The following ADGRE5 variants were observed in gnomAD, a reference collection of about 807,000 sequenced individuals.
ADGRE5 encodes adhesion G protein-coupled receptor E5, also known as CD97 molecule.
Under a neutral mutation model 100.3 loss-of-function variants are expected in ADGRE5, and 72 were observed. That is an observed-to-expected ratio of 0.72 (90% CI 0.59 to 0.87). The LOEUF is 0.87. ADGRE5 is among the 40% of genes least tolerant of loss of function. ADGRE5 has a pLI of 0.00. For synonymous variants in ADGRE5, 439 were observed against 447.8 expected, an observed-to-expected ratio of 0.98 and a Z score of 0.25; for missense variants, 959 against 1,094.7, an observed-to-expected ratio of 0.88 and a Z score of 1.75.
chr19:14,386,121 G>A, intron 1 of ADGRE5, among the ~76,000 whole-genome samples: 1 of 151,822 alleles, frequency 6.6e-6, no homozygotes, highest in African/African-American at 2.4e-5. Flanking sequence ...GGGCCTGGCG[G>A]CTTGTGCCAG....
chr19:14,396,537 C>T (rs1328696013), intron 5 of ADGRE5, 64 bp downstream of exon 5: 1 of 1,601,138 alleles, frequency 6.2e-7, no homozygotes, highest in African/African-American at 1.3e-5. Flanking sequence ...GAGGCACGTC[C>T]TCCAAAGCAG....
chr19:14,382,155 C>T lies in ADGRE5; in HGVS notation c.22+610C>T, dbSNP rs539308872. Among the ~76,000 whole-genome samples the T allele has an allele frequency of 2.6e-5, 4 of 152,142 alleles. No homozygotes were observed. In the South Asian group the frequency reaches 8.3e-4, roughly 31 times the overall value. On this transcript the variant is annotated intron_variant, in intron 1 of 19. Coordinates refer to ENST00000242786, the MANE Select transcript of ADGRE5 (RefSeq NM_078481.4). ...CCCGCCCCACCCAAGGTGACTGTAACGGTTATCAGGGTAGCTCGTTGCCTA... is the reference window on the plus strand; with the variant it reads ...CCCGCCCCACCCAAGGTGACTGTAATGGTTATCAGGGTAGCTCGTTGCCTA...
chr19:14,383,184 C>G (rs970857144), intron 1 of ADGRE5, among the ~76,000 whole-genome samples: 1 of 151,948 alleles, frequency 6.6e-6, no homozygotes, highest in Admixed American at 6.6e-5. Context: ...GCCTGGGTGA[C>G]AGAGCAAGAT....
rs768739910 is a variant in ADGRE5 at position 14,406,302 on chromosome 19, C to A, written c.1822-29C>A. 39 of 1,508,984 alleles carry A rather than the reference C, an allele frequency of 2.6e-5. No individual in the cohort carries two copies. Among genetic ancestry groups the A allele is most frequent in the Admixed American group, 6.0e-5 (3 of 50,076 alleles). The allele number at this position is 1,508,984 out of a possible 1,614,324, so 93.5% of individuals were successfully genotyped here. On this transcript the variant is annotated intron_variant, in intron 14 of 19. Coordinates refer to ENST00000242786, the MANE Select transcript of ADGRE5 (RefSeq NM_078481.4). This position sits in a 1 kb window ranked among gnomAD's most constrained non-coding sequence, Gnocchi z 6.0. Reference sequence around the variant, plus strand: ...CGCATGCCCCTCCCCGCGCTGACGTCGCTCCGCCCCTCCGTCCCCGCCCCG... The same window carrying A: ...CGCATGCCCCTCCCCGCGCTGACGTAGCTCCGCCCCTCCGTCCCCGCCCCG...
chr19:14,404,866 G>A (rs1299637395), intron 13 of ADGRE5: 3 of 244,282 alleles, frequency 1.2e-5, no homozygotes, highest in Middle Eastern at 1.2e-3. Context: ...CCACTTGCCC[G>A]TTTTTTTTTT....
intron 1 of ADGRE5, among the ~76,000 whole-genome samples, chr19:14,382,179 T>G (rs1349408659): frequency 3.3e-5 from 5 of 152,164 alleles, no homozygotes; most frequent in African/African-American, 1.2e-4. Context: ...GCTCGTTGCC[T>G]AAGCAACGGG....
At chr19:14,397,481 C>T (rs1975825695) in intron 6 of ADGRE5, 177 bp from the exon 7 acceptor site, 1 of 616,456 alleles carries the variant, frequency 1.6e-6, no homozygotes, top group African/African-American at 1.9e-5. Flanking sequence ...TATTCATAAC[C>T]TGCTCATCTG....
intron 14 of ADGRE5, 32 bp downstream of exon 14, chr19:14,405,971 T>C (rs1363271547): frequency 6.3e-7 from 1 of 1,574,948 alleles, no homozygotes. Flanking sequence ...TCCTGAGCTC[T>C]GGGGTCAGGG....
At chr19:14,404,640 T>C (rs1976146427) in intron 13 of ADGRE5, 78 bp downstream of exon 13, 4 of 1,415,984 alleles carry the variant, frequency 2.8e-6, no homozygotes, top group Non-Finnish European at 3.9e-6. Flanking sequence ...TAGTTCTCCA[T>C]GGAGCCCTAC....
At chr19:14,398,297 TACAC>T (rs1406979721) in intron 9 of ADGRE5, 158 bp downstream of exon 9, 52 of 654,468 alleles carry the variant, frequency 7.9e-5, no homozygotes, top group Admixed American at 3.5e-4. Context: ...TGCACAAACA[TACAC>T]ACCCGGACAC....
rs1361493143 is a variant in ADGRE5 at position 14,405,936 on chromosome 19, C to G, written c.1818C>G (p.Gly606=). The G allele has an allele frequency of 6.2e-7, 1 of 1,605,738 alleles. No homozygotes were observed. The highest frequency in any genetic ancestry group is 8.5e-7 in the Non-Finnish European group (1 of 1,179,462). ...IFLAGIENEG[G]QVGLRCRLVA... is the part of the protein sequence containing the mutation. ...TGGCCGGCATCGAGAACGAAGGCGG[C>G]CAGGTGAGGTCCCGCCCCGCTCCCT... Residue 606 remains glycine, a synonymous_variant, in exon 14 of 20, where the codon GGC becomes GGG. Coordinates refer to ENST00000242786, the MANE Select transcript of ADGRE5 (RefSeq NM_078481.4).
chr19:14,405,953 C>T lies in ADGRE5; in HGVS notation c.1821+14C>T. On this transcript the variant is annotated intron_variant, in intron 14 of 19. Transcript: ENST00000242786. ...GAAGGCGGCCAGGTGAGGTCCCGCC[C>T]CGCTCCCTCCTGAGCTCTGGGGTCA... The T allele has an allele frequency of 6.3e-7, 1 of 1,599,318 alleles. No individual in the cohort carries two copies. The highest frequency in any genetic ancestry group is 8.5e-7 in the Non-Finnish European group (1 of 1,177,628).
chr19:14,406,818 C>A lies in ADGRE5; in HGVS notation c.2116-51C>A. 6.2e-7 allele frequency: 1 copy of A among 1,610,098 alleles called. No homozygotes were observed. Among genetic ancestry groups the A allele is most frequent in the East Asian group, 2.2e-5 (1 of 44,866 alleles). ...AGCCCGAGCGCCACAGGCCCAGGCC[C>A]GGCTGGACCATCGCTCTCGCCCTCT... is the stretch of plus-strand genomic sequence containing the variant. On this transcript the variant is annotated intron_variant, in intron 16 of 19. Coordinates refer to ENST00000242786, the MANE Select transcript of ADGRE5 (RefSeq NM_078481.4). The surrounding 1 kb of genome is among the most constrained non-coding windows in gnomAD (Gnocchi z 6.0).
intron 9 of ADGRE5, among the ~76,000 whole-genome samples, chr19:14,399,752 A>AG (rs1029767921): frequency 2.0e-5 from 3 of 151,964 alleles, no homozygotes; most frequent in African/African-American, 7.2e-5. Flanking sequence ...TAAAAAAAAA[A>AG]AAAACAGTTT....
Position 14,391,006 on chromosome 19 carries a change from C to CGT in ADGRE5, c.277_278dup (p.Ser94AlafsTer69), listed in dbSNP as rs1975581845. On this transcript the variant is annotated frameshift_variant, in exon 4 of 20. Coordinates refer to ENST00000242786, the MANE Select transcript of ADGRE5 (RefSeq NM_078481.4). LOFTEE classifies it high-confidence loss of function. Reference sequence around the variant, plus strand: ...GGAACACAGAGGGGAGCTACGACTGCGTGTGCAGCCCGGGATATGAGCCTG... The same window carrying CGT: ...GGAACACAGAGGGGAGCTACGACTGCGTGTGTGCAGCCCGGGATATGAGCCTG... 1 of 1,614,052 alleles carries CGT rather than the reference C, an allele frequency of 6.2e-7. No individual in the cohort carries two copies. The highest frequency in any genetic ancestry group is 1.3e-5 in the African/African-American group (1 of 74,920).
In ADGRE5 at chr19:14,394,812, G is replaced by A. The variant is rs186919191; in HGVS notation, c.347-1530G>A. Among the ~76,000 whole-genome samples, 627 of 152,248 alleles carry A rather than the reference G, an allele frequency of 4.1e-3. 6 individuals carry two copies. The highest frequency in any genetic ancestry group is 0.014 in the Middle Eastern group (4 of 294). On this transcript the variant is annotated intron_variant, in intron 4 of 19. Transcript: ENST00000242786. ...AGGGAATCTCAAGGACAGGACAACT[G>A]TCTCCAGCCAGCAGCCTTGCTTGGA...
Position 14,406,717 on chromosome 19 carries a change from A to G in ADGRE5, c.2066A>G (p.Glu689Gly), listed in dbSNP as rs753363375. ...CCTCCTAGCTGCTGGTTGGACTTTGAGCAGGGCTTCCTCTGGAGCTTCTTG... is the reference window on the plus strand; with the variant it reads ...CCTCCTAGCTGCTGGTTGGACTTTGGGCAGGGCTTCCTCTGGAGCTTCTTG... ...GRPRYCWLDF[E>G]QGFLWSFLGP... The change falls in exon 16 of 20, where the codon GAG becomes GGG. Residue 689 changes from glutamate (E) to glycine (G), a missense_variant. Glu to Gly is a moderately conservative substitution (Grantham distance 98). Coordinates refer to ENST00000242786, the MANE Select transcript of ADGRE5 (RefSeq NM_078481.4). This position sits in a 1 kb window ranked among gnomAD's most constrained non-coding sequence, Gnocchi z 6.0. 4.3e-6 allele frequency: 7 copies of G among 1,614,006 alleles called. No individual in the cohort carries two copies. The South Asian group carries it at 4.4e-5, about 10-fold the overall frequency.
chr19:14,401,536 T>C lies in ADGRE5; in HGVS notation c.1048T>C (p.Phe350Leu). Residue 350 changes from phenylalanine to leucine, a missense_variant, in exon 10 of 20, where the codon TTC becomes CTC. This residue lies in a region of ADGRE5 where 246 missense variants were observed against 242.2 expected (regional missense o/e 1.02). Transcript: ENST00000242786. This position sits in a 1 kb window ranked among gnomAD's most constrained non-coding sequence, Gnocchi z 4.1. ...GGCCAAGAGCCTGCCTAAAGGCCCC[T>C]TCACCTACATTTCCCCTTCGAACAC... ...ILAKSLPKGP[F>L]TYISPSNTEL... 6.2e-7 allele frequency: 1 copy of C among 1,614,144 alleles called. No individual in the cohort carries two copies. Among genetic ancestry groups the C allele is most frequent in the Non-Finnish European group, 8.5e-7 (1 of 1,180,008 alleles).
intron 1 of ADGRE5, among the ~76,000 whole-genome samples, chr19:14,382,992 T>C (rs1264527939): frequency 6.6e-6 from 1 of 151,638 alleles, no homozygotes; most frequent in East Asian, 2.0e-4. Context: ...CGCCTCCGCC[T>C]CCCAAAGTGC....
Sources: gnomAD v4.1 joint callset for allele counts (sites outside exome capture counted in the v4.1 genomes callset) on GRCh38, gnomAD v4.1.1 for gene constraint, gnomAD v4.1.1 regional missense constraint, Gnocchi (gnomAD v3.1) non-coding constraint, MANE v1.5 for transcripts, NCBI Gene and HGNC (gene_info 2026-07-23, HGNC 2026-07-21) for gene names.